ACYP2: variants seen among roughly 807,000 people sequenced by gnomAD.
ACYP2 encodes acylphosphatase-2.
ACYP2 carries 12 observed loss-of-function variants against 11.2 expected under a neutral mutation model. That is an observed-to-expected ratio of 1.08 (90% confidence interval 0.69 to 1.74). The LOEUF (loss-of-function observed/expected upper bound fraction) is 1.74. Among genes scored for constraint, ACYP2 ranks in the 40% most tolerant of loss-of-function variants. The pLI, the probability that ACYP2 is intolerant of heterozygous loss-of-function variation, is 0.00. For synonymous variants in ACYP2, 43 were observed against 32.2 expected, an observed-to-expected ratio of 1.33 and a Z score of -1.13; for missense variants, 134 against 101.9, an observed-to-expected ratio of 1.31 and a Z score of -1.35.
At chr2:54,100,712 A>T (rs770744510) in intron 4 of ACYP2, among the ~76,000 whole-genome samples, 3 of 152,132 alleles carry the variant, frequency 2.0e-5, no homozygotes, top group Non-Finnish European at 4.4e-5. Context: ...AGATATTTAA[A>T]ACTGTAGTTT....
chr2:54,198,370 A>G (rs1684606296), intron 6 of ACYP2, among the ~76,000 whole-genome samples: 1 of 151,792 alleles, frequency 6.6e-6, no homozygotes, highest in Non-Finnish European at 1.5e-5. Flanking sequence ...GGAGTGTGGC[A>G]GGGGAAGAGA....
chr2:54,190,980 ATC>A (rs1433571420), intron 6 of ACYP2, among the ~76,000 whole-genome samples: 2 of 152,062 alleles, frequency 1.3e-5, no homozygotes, highest in Non-Finnish European at 2.9e-5. Context: ...TTTCTCTTCC[ATC>A]TCTCAGCCAT....
chr2:54,273,244 C>A (rs1688394687), intron 6 of ACYP2, among the ~76,000 whole-genome samples: 1 of 152,188 alleles, frequency 6.6e-6, no homozygotes, highest in Non-Finnish European at 1.5e-5. Context: ...CAATGGGAAA[C>A]TAAGTCTTAT....
At chr2:53,982,334 T>C (rs1355338823) in intron 2 of ACYP2, among the ~76,000 whole-genome samples, 1 of 152,204 alleles carries the variant, frequency 6.6e-6, no homozygotes. Flanking sequence ...TACAGACACA[T>C]AAAAGGTATA....
At chr2:54,202,355 C>T (rs145019107) in intron 6 of ACYP2, among the ~76,000 whole-genome samples, 1 of 151,156 alleles carries the variant, frequency 6.6e-6, no homozygotes, top group Non-Finnish European at 1.5e-5. Flanking sequence ...GATCTACCTG[C>T]CTCGGCCTCC....
At chr2:53,978,877 C>G (rs376861550) in intron 2 of ACYP2, among the ~76,000 whole-genome samples, 2 of 152,088 alleles carry the variant, frequency 1.3e-5, no homozygotes, top group Non-Finnish European at 2.9e-5. Context: ...GAGCTGAGAT[C>G]GTGCCACTGC....
chr2:54,203,109 G>A (rs183234524), intron 6 of ACYP2, among the ~76,000 whole-genome samples: 7 of 151,998 alleles, frequency 4.6e-5, no homozygotes, highest in Non-Finnish European at 1.0e-4. Flanking sequence ...GCTTGGGATT[G>A]TCTTTTTATT....
chr2:54,145,294 C>T (rs188459422), intron 6 of ACYP2, among the ~76,000 whole-genome samples: 128 of 152,258 alleles, frequency 8.4e-4, no homozygotes, highest in African/African-American at 2.8e-3. Flanking sequence ...GATTGATCAG[C>T]TAGGATCTAT....
At chr2:54,133,294 T>C (rs933540011) in intron 4 of ACYP2, among the ~76,000 whole-genome samples, 5 of 152,342 alleles carry the variant, frequency 3.3e-5, no homozygotes, top group African/African-American at 1.2e-4. Context: ...GTGTTGTTGC[T>C]TGTATCCCTG....
chr2:54,144,274 G>A (rs1053275885), intron 6 of ACYP2, among the ~76,000 whole-genome samples: 1 of 152,132 alleles, frequency 6.6e-6, no homozygotes, highest in Non-Finnish European at 1.5e-5. Flanking sequence ...CACCCAGCAA[G>A]TAACTGATAT....
At chr2:54,171,518 C>T (rs912809802) in intron 6 of ACYP2, among the ~76,000 whole-genome samples, 1 of 152,204 alleles carries the variant, frequency 6.6e-6, no homozygotes, top group Non-Finnish European at 1.5e-5. Flanking sequence ...GTATAAGAAT[C>T]ACAATGTGGC....
intron 4 of ACYP2, among the ~76,000 whole-genome samples, chr2:54,092,106 A>C (rs1190641925): frequency 1.3e-5 from 2 of 152,254 alleles, no homozygotes; most frequent in Middle Eastern, 3.4e-3. Flanking sequence ...CCAGGTTTCC[A>C]GCAGAGGTAC....
intron 4 of ACYP2, among the ~76,000 whole-genome samples, chr2:54,112,303 T>C (rs1258501749): frequency 4.6e-5 from 7 of 152,206 alleles, no homozygotes. Context: ...TTGCTCAGGT[T>C]ACAAAACCAA....
intron 6 of ACYP2, among the ~76,000 whole-genome samples, chr2:54,213,263 C>G (rs2103934639): frequency 6.6e-6 from 1 of 152,266 alleles, no homozygotes; most frequent in African/African-American, 2.4e-5. Context: ...CTGCAAAGGA[C>G]ATGATTTCAC....
At chr2:54,115,449 G>C in intron 4 of ACYP2, 166 bp from the exon 1 acceptor site, 1 of 929,990 alleles carries the variant, frequency 1.1e-6, no homozygotes, top group Middle Eastern at 3.5e-4. Flanking sequence ...CCCCAGTCCG[G>C]GAAGAGAGGC....
At chr2:54,063,325 C>T (rs1160483123) in intron 4 of ACYP2, among the ~76,000 whole-genome samples, 1 of 152,074 alleles carries the variant, frequency 6.6e-6, no homozygotes, top group Non-Finnish European at 1.5e-5. Context: ...AATATAGATA[C>T]ATATAGAGTT....
At chr2:54,253,645 T>C (rs901780275) in intron 6 of ACYP2, 4 of 152,286 alleles carry the variant, frequency 2.6e-5, no homozygotes. Flanking sequence ...CTAGGCCCGA[T>C]TTTCCCCTGA....
At chr2:54,202,531 C>T (rs552152580) in intron 6 of ACYP2, among the ~76,000 whole-genome samples, 29 of 151,376 alleles carry the variant, frequency 1.9e-4, no homozygotes, top group African/African-American at 7.0e-4. Flanking sequence ...CCTTAGCCTC[C>T]CAAGTAGCTG....
intron 6 of ACYP2, among the ~76,000 whole-genome samples, chr2:54,146,500 CCT>C (rs1245908514): frequency 6.6e-6 from 1 of 151,640 alleles, no homozygotes; most frequent in Non-Finnish European, 1.5e-5. Flanking sequence ...GTCTTGAACC[CCT>C]GGCCTCAAGT....
Sources: gnomAD v4.1 joint callset for allele counts (sites outside exome capture counted in the v4.1 genomes callset) on GRCh38, gnomAD v4.1.1 for gene constraint, MANE v1.5 for transcripts, NCBI Gene and HGNC (gene_info 2026-07-23, HGNC 2026-07-21) for gene names.